Variants in SLC15A5 observed in about 807,000 individuals in gnomAD.
SLC15A5 encodes the protein Peptide/histidine transporter ENSP00000340402.
A neutral mutation model predicts 56.1 loss-of-function variants in SLC15A5; 58 were observed. The ratio of observed to expected loss-of-function variants is 1.03; its 90% CI spans 0.84 to 1.29. The LOEUF (loss-of-function observed/expected upper bound fraction) is 1.29, where lower values mean the gene tolerates loss of function less well. Among genes scored for constraint, SLC15A5 ranks in the 50% most tolerant of loss-of-function variants. The pLI is 0.00. For missense variants in SLC15A5, 681 were observed against 672.1 expected (o/e 1.01, Z -0.15); for synonymous variants, 264 against 250.5 (o/e 1.05, Z -0.51).
chr12:16,277,419 A>G lies in SLC15A5; in HGVS notation c.267T>C (p.Thr89=). The G allele has an allele frequency of 6.5e-7, 1 of 1,536,572 alleles. No homozygotes were observed. The highest frequency in any genetic ancestry group is 8.7e-7 in the Non-Finnish European group (1 of 1,146,428). ...TGACAAACACAGGGGTAAGTATTGAAGTTCCAATAAAACACAAGTTTAAGA... is the reference window on the plus strand; with the variant it reads ...TGACAAACACAGGGGTAAGTATTGAGGTTCCAATAAAACACAAGTTTAAGA... The part of the protein sequence containing the change: ...AAILNLCFIG[T]SILTPVFVRW... The change falls in exon 1 of 9, where the codon ACT becomes ACC. Residue 89 remains threonine, a synonymous_variant. Coordinates refer to ENST00000344941, the MANE Select transcript of SLC15A5 (RefSeq NM_001170798.1).
chr12:16,222,013 C>T (rs1383472632), intron 6 of SLC15A5, among the ~76,000 whole-genome samples: 1 of 151,338 alleles, frequency 6.6e-6, no homozygotes, highest in African/African-American at 2.4e-5. Context: ...TGTTCTGAGT[C>T]TGACACTATT....
At chr12:16,262,269 C>T (rs542322291) in intron 2 of SLC15A5, among the ~76,000 whole-genome samples, 1 of 152,338 alleles carries the variant, frequency 6.6e-6, no homozygotes, top group South Asian at 2.1e-4. Context: ...CTATCATTTT[C>T]TTGTTAATGC....
chr12:16,245,759 A>G (rs1191349862), intron 3 of SLC15A5, among the ~76,000 whole-genome samples: 1 of 152,248 alleles, frequency 6.6e-6, no homozygotes, highest in Non-Finnish European at 1.5e-5. Flanking sequence ...GAAGGCTGCT[A>G]TAGAAACTCA....
intron 3 of SLC15A5, among the ~76,000 whole-genome samples, chr12:16,254,627 G>A (rs533645795): frequency 6.6e-6 from 1 of 152,092 alleles, no homozygotes; most frequent in South Asian, 2.1e-4. Context: ...CCATATCTCA[G>A]CTATTGTGAG....
chr12:16,204,402 C>G (rs1863992856), intron 7 of SLC15A5, among the ~76,000 whole-genome samples: 2 of 149,710 alleles, frequency 1.3e-5, no homozygotes, highest in Non-Finnish European at 3.0e-5. Flanking sequence ...GGTTGCAGCA[C>G]TCCAACCTAG....
At chr12:16,217,593 T>A (rs555840052) in intron 6 of SLC15A5, among the ~76,000 whole-genome samples, 1 of 152,320 alleles carries the variant, frequency 6.6e-6, no homozygotes, top group East Asian at 1.9e-4. Flanking sequence ...GTTATTCACT[T>A]GCAGAGGTGC....
intron 2 of SLC15A5, among the ~76,000 whole-genome samples, chr12:16,260,746 A>G (rs1526987): frequency 0.42 from 63,123 of 150,692 alleles, 13,305 homozygotes; most frequent in South Asian, 0.61. Context: ...CCTAAGTCAC[A>G]AGTATTTTCC....
chr12:16,222,801 T>C (rs1000698005), intron 6 of SLC15A5, among the ~76,000 whole-genome samples: 4 of 152,222 alleles, frequency 2.6e-5, no homozygotes, highest in Non-Finnish European at 5.9e-5. Flanking sequence ...TATTCACTCA[T>C]TACTTTTACT....
chr12:16,189,917 A>C, intron 8 of SLC15A5, 102 bp from the exon 9 acceptor site: 6 of 838,954 alleles, frequency 7.2e-6, no homozygotes, highest in South Asian at 2.8e-5. Flanking sequence ...TGATGGGCTC[A>C]TAGATACTGG....
intron 5 of SLC15A5, among the ~76,000 whole-genome samples, chr12:16,227,221 C>T (rs10744106): frequency 0.54 from 81,747 of 151,906 alleles, 22,296 homozygotes; most frequent in South Asian, 0.73. Context: ...ATTTTGCTTC[C>T]GTAAACGGCT....
chr12:16,223,885 T>G (rs1864213017), intron 6 of SLC15A5, among the ~76,000 whole-genome samples: 2 of 152,014 alleles, frequency 1.3e-5, no homozygotes, highest in Admixed American at 6.5e-5. Flanking sequence ...CCTGGCTAAT[T>G]TTTTGTATTT....
intron 7 of SLC15A5, among the ~76,000 whole-genome samples, chr12:16,212,239 C>G (rs1864090969): frequency 6.6e-6 from 1 of 152,138 alleles, no homozygotes; most frequent in Non-Finnish European, 1.5e-5. Flanking sequence ...AAAATAATCT[C>G]TGGCATAGAA....
intron 3 of SLC15A5, among the ~76,000 whole-genome samples, chr12:16,247,834 A>C (rs1158668292): frequency 6.6e-6 from 1 of 152,108 alleles, no homozygotes; most frequent in Non-Finnish European, 1.5e-5. Flanking sequence ...ACCATTAAGA[A>C]GTTTTAAGTA....
chr12:16,235,258 A>ATATATACG lies in SLC15A5; in HGVS notation c.1162+4422_1162+4423insCGTATATA, dbSNP rs1864339303. ...CGACATGTTATAAGTATATATGTGT[A>ATATATACG]TATATATGTATATGTATATATATGT... On this transcript the variant is annotated intron_variant, in intron 5 of 8. Coordinates refer to ENST00000344941, the MANE Select transcript of SLC15A5 (RefSeq NM_001170798.1). This position sits in a 1 kb window ranked among gnomAD's most constrained non-coding sequence, Gnocchi z 4.1. 6.9e-6 allele frequency among the ~76,000 whole-genome samples: 1 copy of ATATATACG among 145,762 alleles called. No individual in the cohort carries two copies.
At position 16,199,636 on chromosome 12, in the gene SLC15A5, G is replaced by A. The variant is rs187541668; in HGVS notation, c.1484-5183C>T. ...CACAGGACAAGAAGAAATGGGAACA[G>A]ATATTTAAGGTAATAGATATACAAA... On this transcript the variant is annotated intron_variant, in intron 7 of 8. Transcript: ENST00000344941. 4.2e-4 allele frequency among the ~76,000 whole-genome samples: 64 copies of A among 152,186 alleles called. No homozygotes were observed. In the East Asian group the frequency reaches 0.01, roughly 24 times the overall value.
At chr12:16,259,004 C>CTTTTTTTTTTTTTTTTTTTTTTT (rs1864610176) in intron 2 of SLC15A5, among the ~76,000 whole-genome samples, 1 of 69,392 alleles carries the variant, frequency 1.4e-5, no homozygotes, top group Non-Finnish European at 3.1e-5. Context: ...TTTTTTTTTT[C>CTTTTTTTTTTTTTTTTTTTTTTT]TTTTTCTTTT....
intron 5 of SLC15A5, among the ~76,000 whole-genome samples, chr12:16,224,878 TC>T (rs1864224872): frequency 2.3e-5 from 2 of 87,584 alleles, no homozygotes; most frequent in African/African-American, 4.4e-5. Flanking sequence ...TCCTCCCCCC[TC>T]CCCCCACCCC....
intron 7 of SLC15A5, among the ~76,000 whole-genome samples, chr12:16,199,286 C>G (rs1376689329): frequency 7.7e-6 from 1 of 129,094 alleles, no homozygotes; most frequent in Non-Finnish European, 1.6e-5. Flanking sequence ...TGCTGTCAGT[C>G]TCATGTGTAG....
chr12:16,234,544 A>G (rs1299059092), intron 5 of SLC15A5, among the ~76,000 whole-genome samples: 1 of 152,184 alleles, frequency 6.6e-6, no homozygotes, highest in African/African-American at 2.4e-5. Flanking sequence ...AGCAGAGTGC[A>G]GTTTATCAGA....
Sources: gnomAD v4.1 joint callset for allele counts (sites outside exome capture counted in the v4.1 genomes callset) on GRCh38, gnomAD v4.1.1 for gene constraint, Gnocchi (gnomAD v3.1) non-coding constraint, MANE v1.5 for transcripts, NCBI Gene and HGNC (gene_info 2026-07-23, HGNC 2026-07-21) for gene names.